Variants in IL23R observed in about 807,000 individuals in gnomAD.
IL23R encodes interleukin 23 receptor.
IL23R carries 34 observed loss-of-function variants against 56.9 expected under a neutral mutation model. The ratio of observed to expected loss-of-function variants is 0.60; its 90% confidence interval spans 0.45 to 0.80. The LOEUF (loss-of-function observed/expected upper bound fraction) is 0.80, where lower values mean the gene tolerates loss of function less well. Among genes scored for constraint, IL23R ranks in the 30% least tolerant of loss-of-function variants. The pLI, the probability that IL23R is intolerant of heterozygous loss-of-function variation, is 0.00. For missense variants in IL23R, 635 were observed against 730.0 expected (o/e 0.87, Z 1.50); for synonymous variants, 230 against 249.2 (o/e 0.92, Z 0.73).
At chr1:67,251,438 C>T (rs867377736) in intron 9 of IL23R, among the ~76,000 whole-genome samples, 32 of 121,542 alleles carry the variant, frequency 2.6e-4, no homozygotes, top group African/African-American at 1.0e-3. Context: ...GGTGACAGAG[C>T]GAGACTCTGT....
chr1:67,184,551 A>G (rs951120639), intron 4 of IL23R, among the ~76,000 whole-genome samples: 1 of 135,348 alleles, frequency 7.4e-6, no homozygotes. Flanking sequence ...CTGTCTCAAA[A>G]AATAAATAAA....
At chr1:67,192,320 C>T (rs1299404642) in intron 4 of IL23R, among the ~76,000 whole-genome samples, 1 of 152,174 alleles carries the variant, frequency 6.6e-6, no homozygotes, top group African/African-American at 2.4e-5. Flanking sequence ...TTAGAAAGTC[C>T]TTGGGAACAG....
chr1:67,229,159 T>C (rs1167175868), intron 7 of IL23R, among the ~76,000 whole-genome samples: 2 of 152,226 alleles, frequency 1.3e-5, no homozygotes, highest in African/African-American at 4.8e-5. Context: ...GATGCCAGTC[T>C]CAAGTAATAG....
chr1:67,263,520 T>A (rs1468535095), downstream of IL23R, among the ~76,000 whole-genome samples: 1 of 152,228 alleles, frequency 6.6e-6, no homozygotes, highest in Non-Finnish European at 1.5e-5. Flanking sequence ...ATTCTTATAT[T>A]TAGTCATTCT....
rs75187161 is a variant in IL23R at position 67,172,356 on chromosome 1, T to G, written c.367+2718T>G. On this transcript the variant is annotated intron_variant, in intron 3 of 10. Transcript: ENST00000347310. ...TAGAGACAAATTGTAAAAGACAAGA[T>G]AAATGAGTCATTGCTTTCCTTGAAA... Among the ~76,000 whole-genome samples the G allele has an allele frequency of 5.8e-3, 876 of 152,324 alleles. 6 individuals are homozygous for G. Among genetic ancestry groups the G allele is most frequent in the African/African-American group, 0.02 (845 of 41,588 alleles).
chr1:67,257,094 A>G (rs1652990782), intron 10 of IL23R, among the ~76,000 whole-genome samples: 2 of 152,048 alleles, frequency 1.3e-5, no homozygotes, highest in South Asian at 4.2e-4. Flanking sequence ...TTGGAATGAC[A>G]CTTCATGTCT....
chr1:67,177,359 T>TGCA (rs1647024580), intron 3 of IL23R, among the ~76,000 whole-genome samples: 2 of 152,336 alleles, frequency 1.3e-5, no homozygotes, highest in African/African-American at 4.8e-5. Context: ...TGCATTTCTC[T>TGCA]GATGGCCAGT....
At chr1:67,207,558 G>C (rs755348979) in intron 6 of IL23R, 64 of 335,266 alleles carry the variant, frequency 1.9e-4, no homozygotes, top group Non-Finnish European at 3.4e-4. Context: ...TCTCGTGATA[G>C]TGAATAAGTC....
At chr1:67,159,418 T>A (rs1185635456) in intron 1 of IL23R, among the ~76,000 whole-genome samples, 1 of 152,020 alleles carries the variant, frequency 6.6e-6, no homozygotes, top group African/African-American at 2.4e-5. Context: ...TGAGGCCTCC[T>A]AGTCATGCTT....
intron 7 of IL23R, among the ~76,000 whole-genome samples, chr1:67,230,382 C>T (rs1340576704): frequency 6.6e-6 from 1 of 152,148 alleles, no homozygotes; most frequent in Non-Finnish European, 1.5e-5. Context: ...GCCTGGAGAG[C>T]AAGGGTGTAC....
intron 4 of IL23R, 66 bp from the exon 5 acceptor site, chr1:67,200,671 C>T: frequency 1.3e-6 from 2 of 1,531,130 alleles, no homozygotes; most frequent in Non-Finnish European, 1.8e-6. Context: ...AGGTGTGAGC[C>T]ACCATGCCTG....
intron 5 of IL23R, among the ~76,000 whole-genome samples, chr1:67,202,419 G>A (rs1432831640): frequency 1.3e-5 from 2 of 152,032 alleles, no homozygotes; most frequent in African/African-American, 4.8e-5. Flanking sequence ...TGTATTTTTA[G>A]TAGAGATGGG....
rs1316048611 is a variant in IL23R at position 67,200,984 on chromosome 1, C to T, written c.652+87C>T. ...TGAGGTCTAGATCTGAAAGAAGTTC[C>T]CCTAAAGTTCCTGCAGAGCATGATA... On this transcript the variant is annotated intron_variant, in intron 5 of 10. Coordinates refer to ENST00000347310, the MANE Select transcript of IL23R (RefSeq NM_144701.3). 3.0e-6 allele frequency: 4 copies of T among 1,331,698 alleles called. No individual in the cohort carries two copies. The African/African-American group carries it at 5.8e-5, about 19-fold the overall frequency. The allele number at this position is 1,331,698 out of a possible 1,614,324, so 82.5% of individuals were successfully genotyped here.
chr1:67,241,092 G>A (rs1439127079), intron 9 of IL23R, among the ~76,000 whole-genome samples: 1 of 152,210 alleles, frequency 6.6e-6, no homozygotes, highest in Non-Finnish European at 1.5e-5. Context: ...ATAGAAGTAT[G>A]GAGTCCTTCT....
rs768840349 is a variant in IL23R at position 67,169,301 on chromosome 1, AT to A, written c.71-40del. The stretch of plus-strand genomic sequence containing the variant: ...ATATTCTTCTGAATCTCTTGATTTA[AT>A]GTTTTACGTGTAATTTATTATTTTT... On this transcript the variant is annotated intron_variant, in intron 2 of 10. Coordinates refer to ENST00000347310, the MANE Select transcript of IL23R (RefSeq NM_144701.3). 9.2e-6 allele frequency: 13 copies of A among 1,413,566 alleles called. No homozygotes were observed. In the Middle Eastern group the frequency reaches 1.7e-3, roughly 179 times the overall value. 87.6% of individuals were successfully genotyped at this position (1,413,566 alleles called of 1,614,324 possible). A position where few individuals can be genotyped will look rare whatever the true frequency, so the allele number is the denominator to read the frequency against.
At chr1:67,177,332 T>A (rs2102569590) in intron 3 of IL23R, among the ~76,000 whole-genome samples, 1 of 152,340 alleles carries the variant, frequency 6.6e-6, no homozygotes, top group East Asian at 1.9e-4. Flanking sequence ...AGATGGTATC[T>A]CATTGTGGTT....
chr1:67,227,954 CTTTCTTT>C (rs1650747452), intron 7 of IL23R, among the ~76,000 whole-genome samples: 1 of 59,304 alleles, frequency 1.7e-5, no homozygotes, highest in Non-Finnish European at 3.5e-5. Context: ...TTCTTTCTTT[CTTTCTTT>C]CTTTCTTTCT....
At chr1:67,193,698 G>A (rs114534069) in intron 4 of IL23R, among the ~76,000 whole-genome samples, 145 of 152,284 alleles carry the variant, frequency 9.5e-4, no homozygotes, top group African/African-American at 3.3e-3. Flanking sequence ...AAAAACCAAA[G>A]TGTTGTTCTC....
chr1:67,216,584 AAATG>A (rs1216155664), intron 6 of IL23R, among the ~76,000 whole-genome samples: 1 of 152,222 alleles, frequency 6.6e-6, no homozygotes, highest in Non-Finnish European at 1.5e-5. Flanking sequence ...ACAATTATGT[AAATG>A]AATGGGCATA....
Sources: allele counts gnomAD v4.1 joint callset (sites outside exome capture counted in the v4.1 genomes callset), GRCh38; gene constraint gnomAD v4.1.1; transcripts MANE v1.5; gene names NCBI Gene and HGNC (gene_info 2026-07-23, HGNC 2026-07-21).